Variants in PHF20L1 observed in about 807,000 individuals in gnomAD.
PHF20L1 encodes the protein PHD finger protein 20 like 1.
PHF20L1 carries 44 observed loss-of-function variants against 125.5 expected under a neutral mutation model. That is an observed-to-expected ratio of 0.35 (90% CI 0.28 to 0.45). PHF20L1 has a LOEUF of 0.45. Among genes scored for constraint, PHF20L1 ranks in the 20% least tolerant of loss-of-function variants. The pLI is 1.00. For synonymous variants in PHF20L1, 380 were observed against 403.1 expected (o/e 0.94, Z 0.69); for missense variants, 1,012 against 1,217.2 (o/e 0.83, Z 2.51).
rs1194572866 is a variant in PHF20L1, at chr8:132,842,673, C to G, written c.2546C>G (p.Pro849Arg). The change falls in exon 19 of 21, where the codon CCC (proline) becomes CGC (arginine). Residue 849 changes from proline (P) to arginine (R), a missense_variant. By Grantham distance (103) the Pro-to-Arg change is moderately radical (BLOSUM62 -2). Around this residue, in one of 7 missense-constraint regions of PHF20L1, gnomAD observed 277 missense variants for 283.6 expected, o/e 0.98. Coordinates refer to ENST00000395386, the MANE Select transcript of PHF20L1 (RefSeq NM_016018.5). ...VQNHKEPPRL[P>R]LKMEGTYITS... ...AACCATAAAGAACCACCTCGTTTGC[C>G]CCTAAAAATGGAAGGAACTTATATA... The G allele has an allele frequency of 6.2e-7, 1 of 1,613,008 alleles. No individual in the cohort carries two copies. Among genetic ancestry groups the G allele is most frequent in the East Asian group, 2.2e-5 (1 of 44,824 alleles).
intron 9 of PHF20L1, chr8:132,812,471 G>T: frequency 1.0e-6 from 1 of 984,750 alleles, no homozygotes; most frequent in Non-Finnish European, 1.2e-6. Flanking sequence ...AAAAAGAAAG[G>T]AAAATTGTGT....
At chr8:132,790,292 A>G (rs1370224221) in intron 2 of PHF20L1, among the ~76,000 whole-genome samples, 1 of 152,210 alleles carries the variant, frequency 6.6e-6, no homozygotes, top group Non-Finnish European at 1.5e-5. Context: ...GTATGTATCA[A>G]AACATTACTA....
chr8:132,804,079 CAT>C (rs763541569), intron 7 of PHF20L1, 47 bp downstream of exon 7: 347 of 1,263,286 alleles, frequency 2.7e-4, no homozygotes, highest in Non-Finnish European at 3.5e-4. Context: ...CTGGTAAACT[CAT>C]GTAGTAAAGT....
Position 132,794,531 on chromosome 8 carries a change from G to A in PHF20L1, c.205G>A (p.Glu69Lys). 1 of 1,612,620 alleles carries A rather than the reference G, an allele frequency of 6.2e-7. No individual in the cohort carries two copies. Among genetic ancestry groups the A allele is most frequent in the Non-Finnish European group, 8.5e-7 (1 of 1,178,710 alleles). The part of the protein sequence containing the change: ...YWDSNRLRPL[E>K]RPALRKEGLK... ...GGATAGCAATAGATTGCGACCCCTT[G>A]AGAGACCAGCACTAAGAAAAGAAGG... The change falls in exon 3 of 21, where the codon GAG becomes AAG. Residue 69 changes from glutamate to lysine, a missense_variant. Around this residue, in one of 7 missense-constraint regions of PHF20L1, gnomAD observed 94 missense variants for 179.5 expected, o/e 0.52. Transcript: ENST00000395386.
intron 2 of PHF20L1, among the ~76,000 whole-genome samples, chr8:132,781,919 T>A (rs2131323988): frequency 6.6e-6 from 1 of 152,290 alleles, no homozygotes. Context: ...AACTCCTGAG[T>A]AGTGTGGGCT....
intron 6 of PHF20L1, 102 bp downstream of exon 6, chr8:132,799,274 ATCT>A (rs1411247186): frequency 3.1e-6 from 2 of 637,794 alleles, no homozygotes; most frequent in African/African-American, 1.8e-5. Context: ...TTGAGTTCTT[ATCT>A]TCTTCTTTCC....
rs772040767 is a variant in PHF20L1 at position 132,803,808 on chromosome 8, T to C, written c.508-11T>C. ...TTAATACTTCACATGTTTTGTGTTT[T>C]TCCTTTGGAGGATTGGATAGCTTTA... On this transcript the variant is annotated splice_polypyrimidine_tract_variant and intron_variant, in intron 6 of 20. Transcript: ENST00000395386. The C allele has an allele frequency of 5.2e-5, 79 of 1,523,026 alleles. No homozygotes were observed. The highest frequency in any genetic ancestry group is 3.4e-4 in the Middle Eastern group (2 of 5,872). The allele number at this position is 1,523,026 out of a possible 1,614,324, so 94.3% of individuals were successfully genotyped here.
At chr8:132,789,640 T>C (rs1225238379) in intron 2 of PHF20L1, among the ~76,000 whole-genome samples, 4 of 152,116 alleles carry the variant, frequency 2.6e-5, no homozygotes, top group Non-Finnish European at 2.9e-5. Context: ...TTTCTGAGGG[T>C]AAACTCTTTC....
chr8:132,793,050 G>A (rs1298917157), intron 2 of PHF20L1, among the ~76,000 whole-genome samples: 1 of 147,526 alleles, frequency 6.8e-6, no homozygotes, highest in Non-Finnish European at 1.5e-5. Flanking sequence ...GTGAGAACCT[G>A]TGCAGAGATG....
intron 2 of PHF20L1, among the ~76,000 whole-genome samples, chr8:132,783,217 A>ATC (rs1464942196): frequency 2.6e-5 from 4 of 152,180 alleles, no homozygotes; most frequent in Non-Finnish European, 5.9e-5. Flanking sequence ...TCTCTTCTAA[A>ATC]TCTAAAGAAA....
chr8:132,827,937 T>C (rs1306908279), intron 14 of PHF20L1, among the ~76,000 whole-genome samples: 1 of 152,088 alleles, frequency 6.6e-6, no homozygotes, highest in Non-Finnish European at 1.5e-5. Context: ...CTGTCATCTT[T>C]GTAATTAATT....
chr8:132,788,567 A>G (rs1460788483), intron 2 of PHF20L1, among the ~76,000 whole-genome samples: 1 of 150,502 alleles, frequency 6.6e-6, no homozygotes, highest in East Asian at 1.9e-4. Context: ...AGGTTATATC[A>G]GTTAATTTCC....
chr8:132,825,895 A>G (rs1836123144), intron 14 of PHF20L1, among the ~76,000 whole-genome samples: 1 of 152,024 alleles, frequency 6.6e-6, no homozygotes, highest in African/African-American at 2.4e-5. Context: ...CAGAGGGAGC[A>G]CTTCCTTGTC....
At chr8:132,804,209 G>A (rs1161977890) in intron 7 of PHF20L1, among the ~76,000 whole-genome samples, 177 bp downstream of exon 7, 2 of 151,766 alleles carry the variant, frequency 1.3e-5, no homozygotes, top group Admixed American at 1.3e-4. Context: ...AAACTTAATA[G>A]TCTAGTGTGG....
At chr8:132,842,985 C>T in intron 19 of PHF20L1, 110 bp downstream of exon 19, 2 of 1,454,120 alleles carry the variant, frequency 1.4e-6, no homozygotes, top group South Asian at 1.6e-5. Flanking sequence ...TTTCCAAGTT[C>T]CCCAGTACCT....
chr8:132,817,458 C>A lies in PHF20L1; in HGVS notation c.1492C>A (p.Pro498Thr). 6.2e-7 allele frequency: 1 copy of A among 1,612,478 alleles called. No homozygotes were observed. Among genetic ancestry groups the A allele is most frequent in the Non-Finnish European group, 8.5e-7 (1 of 1,179,122 alleles). ...ASDSSYRNEC[P>T]RAEKEDTQML... Reference sequence around the variant, plus strand: ...AGATTCCTCTTACCGTAATGAATGTCCCAGGGCAGAAAAAGAGGATACACA... The same window carrying A: ...AGATTCCTCTTACCGTAATGAATGTACCAGGGCAGAAAAAGAGGATACACA... Residue 498 changes from proline to threonine, a missense_variant, in exon 12 of 21, where the codon CCC becomes ACC. Around this residue, in one of 7 missense-constraint regions of PHF20L1, gnomAD observed 320 missense variants for 293.8 expected, o/e 1.09. Coordinates refer to ENST00000395386, the MANE Select transcript of PHF20L1 (RefSeq NM_016018.5).
At chr8:132,814,563 A>T in intron 9 of PHF20L1, 74 bp from the exon 10 acceptor site, 1 of 1,031,070 alleles carries the variant, frequency 9.7e-7, no homozygotes, top group Non-Finnish European at 1.4e-6. Context: ...AAGTTGCTTA[A>T]CAGTCAAAAT....
At chr8:132,832,956 G>A (rs1253746383) in intron 15 of PHF20L1, among the ~76,000 whole-genome samples, 1 of 152,098 alleles carries the variant, frequency 6.6e-6, no homozygotes, top group Non-Finnish European at 1.5e-5. Flanking sequence ...GGCCACGTCA[G>A]CAGTGAAGGG....
Position 132,845,963 on chromosome 8 carries a change from G to C in PHF20L1, c.*40G>C, listed in dbSNP as rs745416082. 5.2e-6 allele frequency: 8 copies of C among 1,546,964 alleles called. No homozygotes were observed. The highest frequency in any genetic ancestry group is 7.1e-6 in the Non-Finnish European group (8 of 1,127,508). The stretch of plus-strand genomic sequence containing the variant: ...TAATGAAAGAATGTGGCTTTCTTCA[G>C]TCAAAGCATTTTTATTATCCACGTG... On this transcript the variant is annotated 3_prime_UTR_variant, in exon 21 of 21. Coordinates refer to ENST00000395386, the MANE Select transcript of PHF20L1 (RefSeq NM_016018.5).
Sources: allele counts gnomAD v4.1 joint callset (sites outside exome capture counted in the v4.1 genomes callset), GRCh38; gene constraint gnomAD v4.1.1; regional missense constraint gnomAD v4.1.1; transcripts MANE v1.5; gene names NCBI Gene and HGNC (gene_info 2026-07-23, HGNC 2026-07-21).